PLCXD3: variants seen among roughly 807,000 people sequenced by gnomAD.
PLCXD3 encodes the protein phosphatidylinositol specific phospholipase C X domain containing 3, also known as PI-PLC X domain-containing protein 3.
PLCXD3 carries 19 observed loss-of-function variants against 25.5 expected under a neutral mutation model. The observed-to-expected ratio is 0.75, with a 90% CI of 0.52 to 1.09. The LOEUF (loss-of-function observed/expected upper bound fraction) is 1.09. PLCXD3 is among the 50% of genes least tolerant of loss of function. PLCXD3 has a pLI of 0.00. For missense variants in PLCXD3, 411 were observed against 388.1 expected, an observed-to-expected ratio of 1.06 and a Z score of -0.50; for synonymous variants, 174 against 137.6, an observed-to-expected ratio of 1.26 and a Z score of -1.85.
Position 41,382,383 on chromosome 5 carries a change from A to G in PLCXD3, c.255T>C (p.Thr85=), listed in dbSNP as rs974503318. ...KWLATQTMNF[T]GQLGAGIRYF... ...AACGAATTCCAGCTCCTAGCTGGCC[A>G]GTAAAATTCATTGTCTGAGTGGCTA... Residue 85 remains threonine (T), a synonymous_variant, in exon 2 of 3, where the codon ACT becomes ACC. Coordinates refer to ENST00000377801, the MANE Select transcript of PLCXD3 (RefSeq NM_001005473.3). 1 of 1,613,544 alleles carries G rather than the reference A, an allele frequency of 6.2e-7. No individual in the cohort carries two copies. Among genetic ancestry groups the G allele is most frequent in the African/African-American group, 1.3e-5 (1 of 74,996 alleles).
At chr5:41,318,764 T>C (rs1402417217) in intron 2 of PLCXD3, among the ~76,000 whole-genome samples, 2 of 152,086 alleles carry the variant, frequency 1.3e-5, no homozygotes, top group Non-Finnish European at 2.9e-5. Context: ...CAACATTGAA[T>C]GTAAATGGAC....
intron 1 of PLCXD3, among the ~76,000 whole-genome samples, chr5:41,389,097 G>A (rs1745730382): frequency 6.6e-6 from 1 of 151,656 alleles, no homozygotes; most frequent in Admixed American, 6.6e-5. Flanking sequence ...TAGTCCACTG[G>A]AATGATTAGA....
At chr5:41,484,617 ACT>A (rs1051733947) in intron 1 of PLCXD3, among the ~76,000 whole-genome samples, 2 of 151,992 alleles carry the variant, frequency 1.3e-5, no homozygotes, top group African/African-American at 4.8e-5. Context: ...AATTTTAAGA[ACT>A]CTGTCCTGAG....
chr5:41,494,746 C>T (rs2150526845), intron 1 of PLCXD3, among the ~76,000 whole-genome samples: 1 of 152,238 alleles, frequency 6.6e-6, no homozygotes, highest in East Asian at 1.9e-4. Flanking sequence ...CAGTCATTAG[C>T]ATACTGATGT....
At chr5:41,413,310 A>G (rs1445850022) in intron 1 of PLCXD3, among the ~76,000 whole-genome samples, 3 of 152,232 alleles carry the variant, frequency 2.0e-5, no homozygotes, top group African/African-American at 7.2e-5. Context: ...GTGTCAGACC[A>G]GGCAAATCAA....
chr5:41,380,898 C>T (rs1295020878), intron 2 of PLCXD3, among the ~76,000 whole-genome samples: 3 of 152,110 alleles, frequency 2.0e-5, no homozygotes, highest in Admixed American at 6.6e-5. Flanking sequence ...ACTGTGATTG[C>T]TCAAATTATA....
chr5:41,377,859 G>C (rs1015174423), intron 2 of PLCXD3, among the ~76,000 whole-genome samples: 1 of 152,042 alleles, frequency 6.6e-6, no homozygotes, highest in Non-Finnish European at 1.5e-5. Flanking sequence ...GGAACTGTAG[G>C]ATTTACAACT....
intron 1 of PLCXD3, among the ~76,000 whole-genome samples, chr5:41,487,520 T>C (rs988979827): frequency 4.6e-5 from 7 of 152,224 alleles, no homozygotes; most frequent in African/African-American, 1.7e-4. Flanking sequence ...GAAGAGCTTA[T>C]ATTCTACTCA....
At chr5:41,345,667 TATACATACATATGTGTAC>T (rs1371020412) in intron 2 of PLCXD3, among the ~76,000 whole-genome samples, 1 of 138,396 alleles carries the variant, frequency 7.2e-6, no homozygotes, top group Non-Finnish European at 1.5e-5. Context: ...ACTCCAAATT[TATACATACATATGTGTAC>T]ACACACACAC....
At chr5:41,506,565 T>C (rs1331837570) in intron 1 of PLCXD3, among the ~76,000 whole-genome samples, 2 of 152,196 alleles carry the variant, frequency 1.3e-5, no homozygotes. Flanking sequence ...ATCCTAGACA[T>C]TGACTCCTTC....
chr5:41,333,257 C>G (rs1261036355), intron 2 of PLCXD3, among the ~76,000 whole-genome samples: 1 of 152,062 alleles, frequency 6.6e-6, no homozygotes, highest in East Asian at 1.9e-4. Flanking sequence ...TTCCTTTGAG[C>G]AACTGAGCCC....
At chr5:41,460,101 C>T (rs1024447794) in intron 1 of PLCXD3, among the ~76,000 whole-genome samples, 9 of 151,952 alleles carry the variant, frequency 5.9e-5, no homozygotes, top group East Asian at 3.9e-4. Context: ...CAAAGATATG[C>T]GTATATAGAA....
chr5:41,480,393 GT>G (rs564276013), intron 1 of PLCXD3, among the ~76,000 whole-genome samples: 3,861 of 107,824 alleles, frequency 0.036, 44 homozygotes, highest in Middle Eastern at 0.09. Flanking sequence ...TAACAAAGTT[GT>G]TTTTTTTTTT....
At chr5:41,505,818 A>T (rs1749042942) in intron 1 of PLCXD3, among the ~76,000 whole-genome samples, 1 of 152,264 alleles carries the variant, frequency 6.6e-6, no homozygotes, top group Admixed American at 6.5e-5. Flanking sequence ...AATGTCAGTT[A>T]TCAGAAATGT....
At chr5:41,404,698 G>A (rs1007878883) in intron 1 of PLCXD3, among the ~76,000 whole-genome samples, 1 of 152,012 alleles carries the variant, frequency 6.6e-6, no homozygotes, top group Admixed American at 6.6e-5. Context: ...TATCTTTCCA[G>A]TATTATTTAT....
chr5:41,403,522 T>C (rs1265922356), intron 1 of PLCXD3, among the ~76,000 whole-genome samples: 1 of 82,762 alleles, frequency 1.2e-5, no homozygotes, highest in Non-Finnish European at 2.5e-5. Context: ...TCATCTAGCA[T>C]TAGGTATATC....
intron 1 of PLCXD3, among the ~76,000 whole-genome samples, chr5:41,403,401 G>GTTTTTGTTTT (rs1554047952): frequency 4.4e-4 from 8 of 18,384 alleles, no homozygotes; most frequent in African/African-American, 1.1e-3. Context: ...CTTATTTGTT[G>GTTTTTGTTTT]TTTTTTTTTT....
At chr5:41,510,315 T>A in intron 1 of PLCXD3, 109 bp downstream of exon 1, 1 of 983,748 alleles carries the variant, frequency 1.0e-6, no homozygotes, top group Admixed American at 2.7e-5. Flanking sequence ...GGAAGACGAG[T>A]TTCCCTCCCG....
chr5:41,501,315 TAATA>T (rs1270883826), intron 1 of PLCXD3, among the ~76,000 whole-genome samples: 3 of 151,986 alleles, frequency 2.0e-5, no homozygotes, highest in Admixed American at 6.6e-5. Context: ...ATGAATGGAT[TAATA>T]AATATGGTAT....
Sources: allele counts gnomAD v4.1 joint callset (sites outside exome capture counted in the v4.1 genomes callset), GRCh38; gene constraint gnomAD v4.1.1; transcripts MANE v1.5; gene names NCBI Gene and HGNC (gene_info 2026-07-23, HGNC 2026-07-21).